The following FLNC variants were observed in gnomAD, a reference collection of about 807,000 sequenced individuals.
The protein encoded by FLNC is filamin-C.
Under a neutral mutation model 254.3 loss-of-function variants are expected in FLNC, and 91 were observed. The observed-to-expected ratio is 0.36, with a 90% CI of 0.30 to 0.43. The LOEUF is 0.43. Among genes scored for constraint, FLNC ranks in the 20% least tolerant of loss-of-function variants. The pLI is 1.00. For missense variants in FLNC, 2,853 were observed against 3,802.6 expected (o/e 0.75, Z 6.57); for synonymous variants, 1,430 against 1,577.2 (o/e 0.91, Z 2.21).
intron 1 of FLNC, among the ~76,000 whole-genome samples, chr7:128,834,320 C>A (rs1024533006): frequency 5.3e-5 from 8 of 150,846 alleles, no homozygotes; most frequent in East Asian, 2.0e-4. Context: ...CGCCCCCCCC[C>A]CCCAAATCTT....
chr7:128,847,484 C>T (rs997508551), intron 24 of FLNC, among the ~76,000 whole-genome samples: 1 of 152,242 alleles, frequency 6.6e-6, no homozygotes, highest in Admixed American at 6.5e-5. Flanking sequence ...GCCTGGGACC[C>T]ACATGAGTGA....
At position 128,837,788 on chromosome 7, in the gene FLNC, A is replaced by G. The variant is rs199809140; in HGVS notation, c.969+33A>G. On this transcript the variant is annotated intron_variant, in intron 5 of 47. Coordinates refer to ENST00000325888, the MANE Select transcript of FLNC (RefSeq NM_001458.5). ...GAGGCCGCTGGGGACAGAGGGATTCACTTGGGATTGGAACCAGAGAGCGTG... is the reference window on the plus strand; with the variant it reads ...GAGGCCGCTGGGGACAGAGGGATTCGCTTGGGATTGGAACCAGAGAGCGTG... The G allele has an allele frequency of 6.6e-5, 102 of 1,539,836 alleles. No individual in the cohort carries two copies. In the African/African-American group the frequency reaches 1.3e-3, roughly 20 times the overall value.
At position 128,842,950 on chromosome 7, in the gene FLNC, A is replaced by T. The variant is rs755425307; in HGVS notation, c.2546A>T (p.Asn849Ile). Residue 849 changes from asparagine (N) to isoleucine (I), a missense_variant, in exon 16 of 48, where the codon AAC (asparagine) becomes ATC (isoleucine). This residue lies in a region of FLNC where 1,573 missense variants were observed against 1,883.5 expected (regional missense o/e 0.84). Transcript: ENST00000325888. This position sits in a 1 kb window ranked among gnomAD's most constrained non-coding sequence, Gnocchi z 5.4. The stretch of plus-strand genomic sequence containing the variant: ...TACACCATCATGGTGCTGTTTGCCA[A>T]CCAGGTACCTAAGCTCCTGGGTACT... Reference protein sequence around the residue: ...GRYTIMVLFANQEIPASPFHI... With the variant: ...GRYTIMVLFAIQEIPASPFHI... 8.7e-6 allele frequency: 14 copies of T among 1,613,884 alleles called. No individual in the cohort carries two copies. In the Admixed American group the frequency reaches 2.3e-4, roughly 27 times the overall value.
rs1808818042 is a variant in FLNC, at chr7:128,851,608, C to T, written c.5822C>T (p.Pro1941Leu). The T allele has an allele frequency of 6.2e-7, 1 of 1,613,928 alleles. No individual in the cohort carries two copies. The highest frequency in any genetic ancestry group is 2.2e-5 in the East Asian group (1 of 44,884). ...GATGACAAGCACATCCCGGGGAGCC[C>T]CTTCACAGCCAAGATCACAGGTGAG... ...RFDDKHIPGS[P>L]FTAKITGDDS... The change falls in exon 35 of 48, where the codon CCC becomes CTC. Residue 1941 changes from proline (P) to leucine (L), a missense_variant. Physicochemically the swap from Pro to Leu is moderately conservative, Grantham distance 98. Transcript: ENST00000325888.
chr7:128,857,892 C>G lies in FLNC; in HGVS notation c.7781-116C>G. 1.3e-6 allele frequency: 1 copy of G among 775,796 alleles called. No homozygotes were observed. Among genetic ancestry groups the G allele is most frequent in the East Asian group, 2.7e-5 (1 of 37,382 alleles). 48.1% of individuals were successfully genotyped at this position (775,796 alleles called of 1,614,324 possible). ...GCCCTTGGAGGAATTTGAGGGGGAG[C>G]CTCAAATGCAGGCAGTGAGTCCCAC... On this transcript the variant is annotated intron_variant, in intron 46 of 47. Transcript: ENST00000325888. The surrounding 1 kb of genome is among the most constrained non-coding windows in gnomAD (Gnocchi z 4.5).
rs760418462 is a variant in FLNC at position 128,838,278 on chromosome 7, C to T, written c.1059C>T (p.Leu353=). 3 of 1,614,068 alleles carry T rather than the reference C, an allele frequency of 1.9e-6. No homozygotes were observed. Among genetic ancestry groups the T allele is most frequent in the East Asian group, 2.2e-5 (1 of 44,882 alleles). The part of the protein sequence containing the change: ...KVAGLHKVTV[L]FAGQNIERSP... Reference sequence around the variant, plus strand: ...CCTCTGACCCCTAGGTGACCGTGCTCTTTGCTGGCCAGAACATTGAACGCA... The same window carrying T: ...CCTCTGACCCCTAGGTGACCGTGCTTTTTGCTGGCCAGAACATTGAACGCA... The change falls in exon 7 of 48, where the codon CTC becomes CTT. Residue 353 remains leucine, a synonymous_variant. Coordinates refer to ENST00000325888, the MANE Select transcript of FLNC (RefSeq NM_001458.5).
chr7:128,848,637 G>A lies in FLNC; in HGVS notation c.4657G>A (p.Gly1553Ser). The A allele has an allele frequency of 1.2e-6, 2 of 1,613,572 alleles. No individual in the cohort carries two copies. The highest frequency in any genetic ancestry group is 1.7e-6 in the Non-Finnish European group (2 of 1,180,028). Reference sequence around the variant, plus strand: ...CAGCGGCCCAGGCCTCAACGCCTCTGGCATCCCTGCCAGCCTGCCTGTGGA... The same window carrying A: ...CAGCGGCCCAGGCCTCAACGCCTCTAGCATCCCTGCCAGCCTGCCTGTGGA... ...RASGPGLNAS[G>S]IPASLPVEFT... The change falls in exon 27 of 48, where the codon GGC (glycine) becomes AGC (serine). Residue 1553 changes from glycine (G) to serine (S), a missense_variant. Around this residue, in one of 10 missense-constraint regions of FLNC, gnomAD observed 1,573 missense variants for 1,883.5 expected, o/e 0.84. Transcript: ENST00000325888.
At position 128,837,716 on chromosome 7, in the gene FLNC, G is replaced by A. The variant is rs1808156441; in HGVS notation, c.930G>A (p.Val310=). ...CGGTGGACGCGGGCGTGGGCGAGGT[G>A]CTGGTCTACATCGAGGACCCTGAAG... ...VQTVDAGVGE[V]LVYIEDPEGH... is the part of the protein sequence containing the mutation. Residue 310 remains valine, a synonymous_variant, in exon 5 of 48, where the codon GTG becomes GTA. Coordinates refer to ENST00000325888, the MANE Select transcript of FLNC (RefSeq NM_001458.5). 1 of 1,603,714 alleles carries A rather than the reference G, an allele frequency of 6.2e-7. No homozygotes were observed. The highest frequency in any genetic ancestry group is 8.5e-7 in the Non-Finnish European group (1 of 1,176,084).
At chr7:128,832,483 C>T in intron 1 of FLNC, among the ~76,000 whole-genome samples, 1 of 152,194 alleles carries the variant, frequency 6.6e-6, no homozygotes, top group Non-Finnish European at 1.5e-5. Context: ...CCGGAGGCTT[C>T]GGCAAGACAT....
At chr7:128,838,531 C>T in intron 7 of FLNC, 72 bp from the exon 8 acceptor site, 1 of 1,596,824 alleles carries the variant, frequency 6.3e-7, no homozygotes, top group Non-Finnish European at 8.6e-7. Context: ...AGAGGGTGGG[C>T]AGCCTCAGGG....
chr7:128,850,326 A>G, intron 31 of FLNC, 58 bp from the exon 32 acceptor site: 1 of 1,389,366 alleles, frequency 7.2e-7, no homozygotes, highest in Non-Finnish European at 1.0e-6. Context: ...CAGTCATAGC[A>G]TGGGTCAAAC....
Position 128,854,151 on chromosome 7 carries a change from T to C in FLNC, c.6662T>C (p.Val2221Ala), listed in dbSNP as rs2128939339. ...GTCGGCGGGGACCCCTTCCCTGCTG[T>C]GTTTGGGGACTTCCTGGGCCGGGAG... is the stretch of plus-strand genomic sequence containing the variant. ...TQVGGDPFPAVFGDFLGRERL... is the reference protein window; with the variant it reads ...TQVGGDPFPAAFGDFLGRERL... The change falls in exon 40 of 48, where the codon GTG becomes GCG. Residue 2221 changes from valine to alanine, a missense_variant. Transcript: ENST00000325888. The C allele has an allele frequency of 6.2e-7, 1 of 1,611,920 alleles. No homozygotes were observed. Among genetic ancestry groups the C allele is most frequent in the Non-Finnish European group, 8.5e-7 (1 of 1,179,466 alleles).
Position 128,844,792 on chromosome 7 carries a change from C to T in FLNC, c.3327C>T (p.Cys1109=). The T allele has an allele frequency of 6.2e-7, 1 of 1,614,110 alleles. No individual in the cohort carries two copies. Among genetic ancestry groups the T allele is most frequent in the East Asian group, 2.2e-5 (1 of 44,892 alleles). The part of the protein sequence containing the change: ...VEGPCEAKIE[C]QDNGDGSCAV... The stretch of plus-strand genomic sequence containing the variant: ...GCCCCTGCGAGGCCAAGATCGAGTG[C>T]CAGGACAATGGTGATGGCTCATGTG... Residue 1109 remains cysteine (C), a synonymous_variant, in exon 21 of 48, where the codon TGC becomes TGT. Coordinates refer to ENST00000325888, the MANE Select transcript of FLNC (RefSeq NM_001458.5).
intron 30 of FLNC, 76 bp downstream of exon 30, chr7:128,849,654 A>G: frequency 6.4e-7 from 1 of 1,561,426 alleles, no homozygotes; most frequent in South Asian, 1.1e-5. Context: ...CAGGGATCCC[A>G]GATAACTGTC....
chr7:128,842,228 C>T lies in FLNC; in HGVS notation c.2122-3C>T. On this transcript the variant is annotated splice_polypyrimidine_tract_variant and splice_region_variant and intron_variant, in intron 13 of 47. Transcript: ENST00000325888. This position sits in a 1 kb window ranked among gnomAD's most constrained non-coding sequence, Gnocchi z 5.4. ...ATGAACTTTGCTTGGGTGATGCCCACAGGACGCCGACGGCTGTCCCATCGA... is the reference window on the plus strand; with the variant it reads ...ATGAACTTTGCTTGGGTGATGCCCATAGGACGCCGACGGCTGTCCCATCGA... 1.2e-6 allele frequency: 2 copies of T among 1,613,558 alleles called. No homozygotes were observed. The highest frequency in any genetic ancestry group is 8.5e-7 in the Non-Finnish European group (1 of 1,179,942).
chr7:128,834,929 TC>T (rs1808038438), intron 1 of FLNC, among the ~76,000 whole-genome samples: 1 of 152,214 alleles, frequency 6.6e-6, no homozygotes, highest in South Asian at 2.1e-4. Context: ...TTCTCAAACT[TC>T]ATTCTCTAGC....
rs372563727 is a variant in FLNC, at chr7:128,846,474, C to T, written c.4127+11C>T. 2 of 1,600,010 alleles carry T rather than the reference C, an allele frequency of 1.2e-6. No homozygotes were observed. The highest frequency in any genetic ancestry group is 1.7e-6 in the Non-Finnish European group (2 of 1,179,846). ...CACTGTGGAGACCAGGTATCCTCCC[C>T]CTTTGCTAGCCTAAATCTGTGACCA... On this transcript the variant is annotated intron_variant, in intron 23 of 47. Transcript: ENST00000325888.
Position 128,854,242 on chromosome 7 carries a change from G to A in FLNC, c.6727+26G>A, listed in dbSNP as rs762425456. On this transcript the variant is annotated intron_variant, in intron 40 of 47. Transcript: ENST00000325888. ...GTGAGCACCGCACACTGGGCCGGCC[G>A]GGTCCTCACGGCGGGATGGGAGGGT... The A allele has an allele frequency of 6.1e-5, 98 of 1,604,668 alleles. 2 individuals are homozygous for A. The highest frequency in any genetic ancestry group is 1.9e-4 in the South Asian group (17 of 90,314).
At chr7:128,833,694 C>T (rs919429830) in intron 1 of FLNC, among the ~76,000 whole-genome samples, 2 of 152,142 alleles carry the variant, frequency 1.3e-5, no homozygotes, top group Non-Finnish European at 2.9e-5. Context: ...TACTTCTGGG[C>T]GTGTGAGCTT....
Sources: allele counts gnomAD v4.1 joint callset (sites outside exome capture counted in the v4.1 genomes callset), GRCh38; gene constraint gnomAD v4.1.1; regional missense constraint gnomAD v4.1.1; non-coding constraint Gnocchi (gnomAD v3.1); transcripts MANE v1.5; gene names NCBI Gene and HGNC (gene_info 2026-07-23, HGNC 2026-07-21).